The following SORL1 variants were observed in gnomAD, a reference collection of about 807,000 sequenced individuals.
SORL1 encodes sortilin-related receptor.
A neutral mutation model predicts 273.7 loss-of-function variants in SORL1; 127 were observed. The ratio of observed to expected loss-of-function variants is 0.46; its 90% confidence interval spans 0.40 to 0.54. The LOEUF (loss-of-function observed/expected upper bound fraction) is 0.54, where lower values mean the gene tolerates loss of function less well. Ranked by LOEUF, SORL1 falls within the 20% of genes least tolerant of loss-of-function variation. SORL1 has a pLI of 0.00. For synonymous variants in SORL1, 1,031 were observed against 1,067.4 expected, an observed-to-expected ratio of 0.97 and a Z score of 0.66; for missense variants, 2,494 against 2,846.1, an observed-to-expected ratio of 0.88 and a Z score of 2.81.
At position 121,549,724 on chromosome 11, in the gene SORL1, A is replaced by ATT. The variant is rs56099942; in HGVS notation, c.2052-223_2052-222dup. On this transcript the variant is annotated intron_variant, in intron 14 of 47. Transcript: ENST00000260197. ...AATACTGTTTTGATTTGGCATGATGATTTTTTTTTTTTTTGGTCTATTTAT... is the reference window on the plus strand; with the variant it reads ...AATACTGTTTTGATTTGGCATGATGATTTTTTTTTTTTTTTTGGTCTATTTAT... 2.2e-3 allele frequency among the ~76,000 whole-genome samples: 315 copies of ATT among 144,026 alleles called. 1 individual carries two copies. Among genetic ancestry groups the ATT allele is most frequent in the Non-Finnish European group, 3.3e-3 (216 of 65,626 alleles). The allele number at this position is 144,026 out of a possible 152,430, so 94.5% of individuals were successfully genotyped here. A position where few individuals can be genotyped will look rare whatever the true frequency, so the allele number is the denominator to read the frequency against.
chr11:121,532,328 G>A (rs370709746), intron 11 of SORL1, 136 bp from the exon 12 acceptor site: 19 of 710,298 alleles, frequency 2.7e-5, no homozygotes, highest in African/African-American at 1.6e-4. Flanking sequence ...TTCTGTAAAC[G>A]GAAAAATTGT....
chr11:121,478,032 CAAAAAAAAAA>C, intron 2 of SORL1, 76 bp from the exon 3 acceptor site: 2 of 1,046,558 alleles, frequency 1.9e-6, no homozygotes, highest in Non-Finnish European at 2.6e-6. Flanking sequence ...AACTCAGTCT[CAAAAAAAAAA>C]AAAAAAAAAA....
chr11:121,585,635 C>G (rs1435426811), intron 26 of SORL1, among the ~76,000 whole-genome samples: 1 of 152,006 alleles, frequency 6.6e-6, no homozygotes, highest in Non-Finnish European at 1.5e-5. Flanking sequence ...CCCACTTTTT[C>G]CTAATAGGAA....
intron 26 of SORL1, among the ~76,000 whole-genome samples, chr11:121,585,500 TACACAC>T (rs58254356): frequency 0.036 from 4,927 of 137,520 alleles, 135 homozygotes; most frequent in East Asian, 0.079. Flanking sequence ...AAAATGTATA[TACACAC>T]ACACACACAC....
At chr11:121,481,935 T>G (rs1043312621) in intron 3 of SORL1, among the ~76,000 whole-genome samples, 3 of 150,058 alleles carry the variant, frequency 2.0e-5, no homozygotes, top group Non-Finnish European at 4.4e-5. Flanking sequence ...ATAGGCAGGC[T>G]TCATCTCCTC....
At chr11:121,541,475 G>T (rs946983164) in intron 12 of SORL1, among the ~76,000 whole-genome samples, 1 of 152,166 alleles carries the variant, frequency 6.6e-6, no homozygotes, top group African/African-American at 2.4e-5. Context: ...CTCCCAAAGT[G>T]CTGGGATTAC....
At chr11:121,533,067 TTAA>T (rs781536935) in intron 12 of SORL1, among the ~76,000 whole-genome samples, 29 of 152,266 alleles carry the variant, frequency 1.9e-4, no homozygotes, top group Non-Finnish European at 3.8e-4. Context: ...AAGAGGGCAA[TTAA>T]TAATAATGGC....
At chr11:121,468,938 G>GA (rs1295642931) in intron 1 of SORL1, among the ~76,000 whole-genome samples, 2 of 152,142 alleles carry the variant, frequency 1.3e-5, no homozygotes, top group African/African-American at 4.8e-5. Flanking sequence ...ACACATCTTT[G>GA]AAAAAATGAC....
intron 1 of SORL1, among the ~76,000 whole-genome samples, chr11:121,453,914 A>C (rs1425167881): frequency 6.6e-6 from 1 of 152,196 alleles, no homozygotes; most frequent in Non-Finnish European, 1.5e-5. Flanking sequence ...CTAAAATAAA[A>C]TAGATCTGGT....
rs1166748927 is a variant in SORL1 at position 121,607,234 on chromosome 11, G to A, written c.5110G>A (p.Ala1704Thr). ...CAAGATGTGGGCCTCCCAGAGGGCT[G>A]CTAGTAACTTTACAGAAATCAAGAA... The part of the protein sequence containing the change: ...GSKMWASQRA[A>T]SNFTEIKNLL... Residue 1704 changes from alanine (A) to threonine (T), a missense_variant, in exon 37 of 48, where the codon GCT (alanine) becomes ACT (threonine). Physicochemically the swap from Ala to Thr is moderately conservative, Grantham distance 58. Around this residue, in one of 3 missense-constraint regions of SORL1, gnomAD observed 1,609 missense variants for 1,816.4 expected, o/e 0.89. Coordinates refer to ENST00000260197, the MANE Select transcript of SORL1 (RefSeq NM_003105.6). 1.2e-6 allele frequency: 2 copies of A among 1,612,866 alleles called. No homozygotes were observed. Among genetic ancestry groups the A allele is most frequent in the Non-Finnish European group, 1.7e-6 (2 of 1,178,872 alleles).
Position 121,472,947 on chromosome 11 carries a change from A to G in SORL1, c.402+2824A>G, listed in dbSNP as rs1861194562. 2.9e-5 allele frequency among the ~76,000 whole-genome samples: 4 copies of G among 139,058 alleles called. No individual in the cohort carries two copies. The South Asian group carries it at 9.9e-4, about 34-fold the overall frequency. The allele number at this position is 139,058 out of a possible 152,430, so 91.2% of individuals were successfully genotyped here. On this transcript the variant is annotated intron_variant, in intron 2 of 47. Transcript: ENST00000260197. ...TGCACTCCAGCCTGAGCAACAAGAGAGAAAACTCTGTCTCAAAAAAGAAAA... is the reference window on the plus strand; with the variant it reads ...TGCACTCCAGCCTGAGCAACAAGAGGGAAAACTCTGTCTCAAAAAAGAAAA...
intron 14 of SORL1, among the ~76,000 whole-genome samples, chr11:121,549,021 G>T (rs1341558503): frequency 6.6e-6 from 1 of 152,164 alleles, no homozygotes; most frequent in Non-Finnish European, 1.5e-5. Context: ...AACATTCATA[G>T]TACAGTCACC....
chr11:121,514,103 A>C, intron 7 of SORL1, 49 bp from the exon 8 acceptor site: 1 of 1,580,828 alleles, frequency 6.3e-7, no homozygotes, highest in Non-Finnish European at 8.6e-7. Flanking sequence ...AAAAGCCCAC[A>C]GGGCACATTT....
intron 31 of SORL1, among the ~76,000 whole-genome samples, chr11:121,593,541 C>G (rs879222028): frequency 1.3e-5 from 2 of 152,084 alleles, no homozygotes. Flanking sequence ...TTCACTGCCT[C>G]CTTGGAATTC....
intron 6 of SORL1, among the ~76,000 whole-genome samples, chr11:121,504,252 A>C (rs1228879686): frequency 6.6e-6 from 1 of 152,134 alleles, no homozygotes; most frequent in Non-Finnish European, 1.5e-5. Context: ...TCTCTACTAA[A>C]AATACAAAAA....
At position 121,518,728 on chromosome 11, in the gene SORL1, C is replaced by T. The variant is rs564836205; in HGVS notation, c.1212-1929C>T. On this transcript the variant is annotated intron_variant, in intron 8 of 47. Coordinates refer to ENST00000260197, the MANE Select transcript of SORL1 (RefSeq NM_003105.6). ...CCAGCATTTCATTCGGCACTCTGCT[C>T]AGTCCCTCAGCCTGAAGCTGCTTTG... 2.6e-5 allele frequency among the ~76,000 whole-genome samples: 4 copies of T among 152,298 alleles called. No homozygotes were observed. In the Middle Eastern group the frequency reaches 0.01, roughly 389 times the overall value.
chr11:121,595,841 C>A lies in SORL1; in HGVS notation c.4519+69C>A. ...AGAGAGCACAGTTCTGGTGCTTCTG[C>A]TTCATTTCTGGATCAGCACACGCCT... On this transcript the variant is annotated intron_variant, in intron 32 of 47. Transcript: ENST00000260197. The surrounding 1 kb of genome is among the most constrained non-coding windows in gnomAD (Gnocchi z 5.1). 1 of 1,527,830 alleles carries A rather than the reference C, an allele frequency of 6.5e-7. No individual in the cohort carries two copies. Among genetic ancestry groups the A allele is most frequent in the Non-Finnish European group, 8.9e-7 (1 of 1,123,856 alleles). The allele number at this position is 1,527,830 out of a possible 1,614,324, so 94.6% of individuals were successfully genotyped here. A position where few individuals can be genotyped will look rare whatever the true frequency, so the allele number is the denominator to read the frequency against.
intron 11 of SORL1, among the ~76,000 whole-genome samples, chr11:121,531,685 C>G (rs1355409963): frequency 6.6e-6 from 1 of 152,168 alleles, no homozygotes; most frequent in African/African-American, 2.4e-5. Flanking sequence ...GTATGCTAAG[C>G]CTTTGTTACA....
chr11:121,515,287 G>T (rs1355657109), intron 8 of SORL1, among the ~76,000 whole-genome samples: 1 of 152,138 alleles, frequency 6.6e-6, no homozygotes, highest in Non-Finnish European at 1.5e-5. Context: ...TATGTGATCT[G>T]CCTGGTAACA....
Sources: allele counts gnomAD v4.1 joint callset (sites outside exome capture counted in the v4.1 genomes callset), GRCh38; gene constraint gnomAD v4.1.1; regional missense constraint gnomAD v4.1.1; non-coding constraint Gnocchi (gnomAD v3.1); transcripts MANE v1.5; gene names NCBI Gene and HGNC (gene_info 2026-07-23, HGNC 2026-07-21).